LINGO3: variants seen among roughly 807,000 people sequenced by gnomAD.
LINGO3 encodes leucine-rich repeat and immunoglobulin-like domain-containing nogo receptor-interacting protein 3.
For synonymous variants in LINGO3, 427 were observed against 444.2 expected (o/e 0.96, Z 0.49); for missense variants, 750 against 867.7 (o/e 0.86, Z 1.70).
At chr19:2,292,456 C>T (rs2025534478), upstream of LINGO3, among the ~76,000 whole-genome samples, 1 of 148,244 alleles carries the variant, frequency 6.7e-6, no homozygotes, top group Non-Finnish European at 1.5e-5. Context: ...GGCTGCAATT[C>T]CAATCTCCTG....
chr19:2,290,313 G>A lies in LINGO3; in HGVS notation c.1464C>T (p.Asn488=). 2 of 1,563,788 alleles carry A rather than the reference G, an allele frequency of 1.3e-6. No individual in the cohort carries two copies. Among genetic ancestry groups the A allele is most frequent in the Non-Finnish European group, 1.7e-6 (2 of 1,161,482 alleles). The change falls in exon 1 of 1, where the codon AAC becomes AAT. Residue 488 remains asparagine (N), a synonymous_variant. Transcript: ENST00000585527. The surrounding 1 kb of genome is among the most constrained non-coding windows in gnomAD (Gnocchi z 6.0). Reference sequence around the variant, plus strand: ...CGGTCAGCGTGGCGAAGTAGGTGTCGTTGCCGCCCGCGTTGCTGGCCACGC... The same window carrying A: ...CGGTCAGCGTGGCGAAGTAGGTGTCATTGCCGCCCGCGTTGCTGGCCACGC...
At chr19:2,291,058 G>T in exon 1 of LINGO3, 1 of 1,609,946 alleles carries the variant, frequency 6.2e-7, no homozygotes, top group Non-Finnish European at 8.5e-7. Context: ...CAGGCTGCCC[G>T]CCGCCACCTC....
chr19:2,294,485 C>A (rs908730949), upstream of LINGO3, among the ~76,000 whole-genome samples: 2 of 152,102 alleles, frequency 1.3e-5, no homozygotes, highest in East Asian at 1.9e-4. The surrounding 1 kb of genome is among the most constrained non-coding windows in gnomAD (Gnocchi z 4.3). Context: ...GGAAACAGGC[C>A]GACCCAAAAG....
In LINGO3 at chr19:2,290,992, G is replaced by C. The variant is rs2025513905; in HGVS notation, c.785C>G (p.Pro262Arg). Residue 262 changes from proline to arginine, a missense_variant, in exon 1 of 1, where the codon CCG becomes CGG. Physicochemically the swap from Pro to Arg is moderately radical, Grantham distance 103. Coordinates refer to ENST00000585527, the Ensembl canonical transcript of LINGO3. This position sits in a 1 kb window ranked among gnomAD's most constrained non-coding sequence, Gnocchi z 6.0. ...CGCCTGGTGCCGCAGCGCGGCGGCCGGCACGGCGGTGATGTTGGTGTGGGT... is the reference window on the plus strand; with the variant it reads ...CGCCTGGTGCCGCAGCGCGGCGGCCCGCACGGCGGTGATGTTGGTGTGGGT... The C allele has an allele frequency of 6.2e-7, 1 of 1,611,502 alleles. No individual in the cohort carries two copies. The highest frequency in any genetic ancestry group is 1.1e-5 in the South Asian group (1 of 91,018).
At chr19:2,293,562 G>C (rs983688443), upstream of LINGO3, among the ~76,000 whole-genome samples, 16 of 150,730 alleles carry the variant, frequency 1.1e-4, no homozygotes, top group Non-Finnish European at 2.2e-4. Context: ...GTTTTGCCAT[G>C]TTGGCCAGGC....
At chr19:2,307,255 C>A in the LINGO3 span, among the ~76,000 whole-genome samples, 19 of 152,246 alleles carry the variant, frequency 1.2e-4, no homozygotes, top group Non-Finnish European at 2.6e-4. Flanking sequence ...GGCACATCGC[C>A]TCAGAAGTTC....
Position 2,290,191 on chromosome 19 carries a change from A to G in LINGO3, c.1586T>C (p.Val529Ala), listed in dbSNP as rs2025503936. ...GGTGATGCAGCCCATGGCGGTGGAC[A>G]CCAGGATGGTGGTGAGGTCGAGCGG... The change falls in exon 1 of 1, where the codon GTG (valine) becomes GCG (alanine). Residue 529 changes from valine to alanine, a missense_variant. Physicochemically the swap from Val to Ala is moderately conservative, Grantham distance 64. Transcript: ENST00000585527. The surrounding 1 kb of genome is among the most constrained non-coding windows in gnomAD (Gnocchi z 6.0). 1 of 1,611,496 alleles carries G rather than the reference A, an allele frequency of 6.2e-7. No individual in the cohort carries two copies. The highest frequency in any genetic ancestry group is 2.2e-5 in the East Asian group (1 of 44,744).
chr19:2,293,214 G>C (rs1273622396), upstream of LINGO3, among the ~76,000 whole-genome samples: 1 of 152,084 alleles, frequency 6.6e-6, no homozygotes, highest in Non-Finnish European at 1.5e-5. Flanking sequence ...ACAGGTGCCA[G>C]CCACCACGCC....
chr19:2,291,464 G>A, exon 1 of LINGO3: 1 of 1,612,838 alleles, frequency 6.2e-7, no homozygotes, highest in Non-Finnish European at 8.5e-7. Flanking sequence ...CGCAGGACGC[G>A]CAGGCGCGGC....
chr19:2,307,653 C>T, the LINGO3 span, among the ~76,000 whole-genome samples: 15 of 152,218 alleles, frequency 9.9e-5, no homozygotes, highest in South Asian at 2.1e-4. Flanking sequence ...CTCCGCACCC[C>T]CAGGCTGGAC....
the LINGO3 span, among the ~76,000 whole-genome samples, chr19:2,297,591 C>A: frequency 6.6e-6 from 1 of 151,178 alleles, no homozygotes; most frequent in Non-Finnish European, 1.5e-5. Flanking sequence ...GCATAAGCCA[C>A]CGCACCCGGC....
At chr19:2,294,811 G>A (rs1568413068), upstream of LINGO3, among the ~76,000 whole-genome samples, 1 of 152,148 alleles carries the variant, frequency 6.6e-6, no homozygotes, top group African/African-American at 2.4e-5. This position sits in a 1 kb window ranked among gnomAD's most constrained non-coding sequence, Gnocchi z 4.3. Context: ...GGGGTGGCGG[G>A]TGGAGGTGGG....
the LINGO3 span, among the ~76,000 whole-genome samples, chr19:2,298,720 T>C: frequency 6.6e-6 from 1 of 151,956 alleles, no homozygotes; most frequent in Non-Finnish European, 1.5e-5. Flanking sequence ...TTTGTATTTT[T>C]AGTAGAGATG....
chr19:2,307,074 C>T, the LINGO3 span, among the ~76,000 whole-genome samples: 1 of 152,150 alleles, frequency 6.6e-6, no homozygotes, highest in South Asian at 2.1e-4. Context: ...CTCTGGTTCT[C>T]ACAGCTCTGT....
chr19:2,294,469 C>T (rs2025556022), upstream of LINGO3, among the ~76,000 whole-genome samples: 2 of 152,282 alleles, frequency 1.3e-5, no homozygotes, highest in Admixed American at 6.5e-5. The surrounding 1 kb of genome is among the most constrained non-coding windows in gnomAD (Gnocchi z 4.3). Context: ...GCGCCGTGTT[C>T]TGGCAGGAAA....
the LINGO3 span, among the ~76,000 whole-genome samples, chr19:2,302,790 G>C: frequency 6.6e-6 from 1 of 152,220 alleles, no homozygotes; most frequent in Non-Finnish European, 1.5e-5. Flanking sequence ...GGGCCGGGCC[G>C]GCGGCAGGGA....
In LINGO3 at chr19:2,290,035, T is replaced by C. The variant is rs2025502391; in HGVS notation, c.1742A>G (p.Gln581Arg). ...CATGTTGAACTTGCGCGCGCCTCCC[T>C]GGCCCGCCGCGGCGGCCGGCCCATC... Residue 581 changes from glutamine (Q) to arginine (R), a missense_variant, in exon 1 of 1, where the codon CAG (glutamine) becomes CGG (arginine). Gln to Arg is a conservative substitution (Grantham distance 43). Transcript: ENST00000585527. The surrounding 1 kb of genome is among the most constrained non-coding windows in gnomAD (Gnocchi z 6.0). The C allele has an allele frequency of 6.8e-7, 1 of 1,464,016 alleles. No individual in the cohort carries two copies. The highest frequency in any genetic ancestry group is 9.2e-7 in the Non-Finnish European group (1 of 1,086,634). The allele number at this position is 1,464,016 out of a possible 1,614,324, so 90.7% of individuals were successfully genotyped here.
At position 2,291,870 on chromosome 19, in the gene LINGO3, C is replaced by A. The variant is rs1359139156; in HGVS notation, c.-94G>T. ...CAGCGTTAGCACCGTTAGCACCCCT[C>A]CGCGGCGCCTCTGCCGCCAGCCCGC... is the stretch of plus-strand genomic sequence containing the variant. On this transcript the variant is annotated 5_prime_UTR_variant, in exon 1 of 1. Transcript: ENST00000585527. The A allele has an allele frequency of 2.6e-6, 3 of 1,133,690 alleles. No individual in the cohort carries two copies. The East Asian group carries it at 9.4e-5, about 35-fold the overall frequency. The allele number at this position is 1,133,690 out of a possible 1,614,324, so 70.2% of individuals were successfully genotyped here.
chr19:2,300,023 CTTTTTTT>C, the LINGO3 span, among the ~76,000 whole-genome samples: 2 of 95,890 alleles, frequency 2.1e-5, no homozygotes, highest in East Asian at 3.5e-4. Flanking sequence ...TGCCTGGCCT[CTTTTTTT>C]TTTTTTTTTT....
Sources: gnomAD v4.1 joint callset for allele counts (sites outside exome capture counted in the v4.1 genomes callset) on GRCh38, gnomAD v4.1.1 for gene constraint, Gnocchi (gnomAD v3.1) non-coding constraint, MANE v1.5 for transcripts, NCBI Gene and HGNC (gene_info 2026-07-23, HGNC 2026-07-21) for gene names.